The following EPSTI1 variants were observed in gnomAD, a reference collection of about 807,000 sequenced individuals.
The protein encoded by EPSTI1 is epithelial stromal interaction 1.
Under a neutral mutation model 49.9 loss-of-function variants are expected in EPSTI1, and 66 were observed. The ratio of observed to expected loss-of-function variants is 1.32; its 90% CI spans 1.08 to 1.62. The LOEUF (loss-of-function observed/expected upper bound fraction) is 1.62, where lower values mean the gene tolerates loss of function less well. EPSTI1 is among the 40% of genes most tolerant of loss of function. EPSTI1 has a pLI of 0.00. For missense variants in EPSTI1, 394 were observed against 365.5 expected (o/e 1.08, Z -0.64); for synonymous variants, 137 against 130.7 (o/e 1.05, Z -0.33).
At chr13:42,921,813 A>G (rs759175926) in intron 7 of EPSTI1, among the ~76,000 whole-genome samples, 7 of 152,100 alleles carry the variant, frequency 4.6e-5, no homozygotes, top group Non-Finnish European at 8.8e-5. Context: ...CGCCAGGCTT[A>G]CAAACACCCA....
intron 6 of EPSTI1, among the ~76,000 whole-genome samples, chr13:42,947,311 A>AG (rs1555264933): frequency 0.41 from 62,196 of 151,880 alleles, 13,854 homozygotes; most frequent in Non-Finnish European, 0.51. Context: ...TCAAAAAAAA[A>AG]GTACTTAGTA....
At chr13:42,925,326 C>T (rs1018659779) in intron 7 of EPSTI1, among the ~76,000 whole-genome samples, 3 of 152,278 alleles carry the variant, frequency 2.0e-5, no homozygotes, top group South Asian at 4.1e-4. Flanking sequence ...TCAGTGCTCA[C>T]AGAATGGGGT....
At chr13:42,912,287 T>G (rs143563946) in intron 8 of EPSTI1, among the ~76,000 whole-genome samples, 34 of 152,338 alleles carry the variant, frequency 2.2e-4, no homozygotes, top group Middle Eastern at 6.8e-3. Flanking sequence ...GATGATCAGT[T>G]AGAAAACTGC....
chr13:42,890,127 T>A (rs1487593930), intron 10 of EPSTI1, among the ~76,000 whole-genome samples: 16 of 152,130 alleles, frequency 1.1e-4, no homozygotes, highest in Admixed American at 1.0e-3. Flanking sequence ...CATATATACT[T>A]CTTTATCTTT....
intron 8 of EPSTI1, among the ~76,000 whole-genome samples, chr13:42,908,176 G>T (rs1353893827): frequency 6.6e-6 from 1 of 152,204 alleles, no homozygotes; most frequent in South Asian, 2.1e-4. Context: ...CCTGAAACTA[G>T]GAAAGTACTA....
chr13:42,907,937 C>T (rs976405070), intron 8 of EPSTI1, among the ~76,000 whole-genome samples: 3 of 152,178 alleles, frequency 2.0e-5, no homozygotes, highest in African/African-American at 7.2e-5. Flanking sequence ...TCCAAAAATA[C>T]ATCCACACAT....
chr13:42,961,108 T>A (rs1237967853), intron 5 of EPSTI1, among the ~76,000 whole-genome samples: 3 of 152,272 alleles, frequency 2.0e-5, no homozygotes, highest in East Asian at 3.9e-4. Flanking sequence ...GCCAGCTATT[T>A]CCCCAAATCT....
chr13:42,989,765 T>G (rs2040160816), intron 1 of EPSTI1, among the ~76,000 whole-genome samples: 1 of 151,508 alleles, frequency 6.6e-6, no homozygotes, highest in Non-Finnish European at 1.5e-5. Flanking sequence ...AGCTAATTTT[T>G]TGTATTTTTA....
chr13:42,968,373 G>GT (rs1311566974), intron 3 of EPSTI1, among the ~76,000 whole-genome samples: 4 of 152,188 alleles, frequency 2.6e-5, no homozygotes, highest in Admixed American at 1.3e-4. Flanking sequence ...TATCACAACC[G>GT]TAAGTGGCCC....
chr13:42,972,567 G>C (rs192599598), intron 1 of EPSTI1, among the ~76,000 whole-genome samples: 1 of 152,340 alleles, frequency 6.6e-6, no homozygotes, highest in African/African-American at 2.4e-5. Flanking sequence ...ACTTAGATCA[G>C]TTTTCTGTCT....
chr13:42,895,485 A>C (rs745619480), intron 9 of EPSTI1, among the ~76,000 whole-genome samples: 2 of 152,204 alleles, frequency 1.3e-5, no homozygotes, highest in Non-Finnish European at 2.9e-5. Context: ...CATGAAGAAG[A>C]ACCAAAGATA....
At chr13:42,930,433 G>T (rs2038324225) in intron 6 of EPSTI1, among the ~76,000 whole-genome samples, 1 of 152,202 alleles carries the variant, frequency 6.6e-6, no homozygotes, top group African/African-American at 2.4e-5. Flanking sequence ...ATGAGCAAAT[G>T]ACATTCACAC....
intron 1 of EPSTI1, among the ~76,000 whole-genome samples, chr13:42,972,764 T>C (rs1017210748): frequency 6.6e-6 from 1 of 151,918 alleles, no homozygotes; most frequent in Non-Finnish European, 1.5e-5. Context: ...TTAACAGAAC[T>C]TACACTTTAG....
chr13:42,908,483 TG>T (rs780762130), intron 8 of EPSTI1, among the ~76,000 whole-genome samples: 4,278 of 61,110 alleles, frequency 0.07, 89 homozygotes, highest in Non-Finnish European at 0.089. Flanking sequence ...GACTCTGTTA[TG>T]AAAAAAAAAA....
At chr13:42,946,285 A>C (rs372006411) in intron 6 of EPSTI1, among the ~76,000 whole-genome samples, 32 of 152,330 alleles carry the variant, frequency 2.1e-4, no homozygotes, top group African/African-American at 7.5e-4. Flanking sequence ...AAAATGAAGA[A>C]AACTTTCCAA....
intron 6 of EPSTI1, among the ~76,000 whole-genome samples, chr13:42,944,468 A>G (rs930205739): frequency 5.9e-5 from 9 of 152,124 alleles, no homozygotes; most frequent in Non-Finnish European, 1.3e-4. Flanking sequence ...GAGTTGAACA[A>G]CGAGAACACA....
At chr13:42,923,762 C>A (rs1246554160) in intron 7 of EPSTI1, among the ~76,000 whole-genome samples, 2 of 152,076 alleles carry the variant, frequency 1.3e-5, no homozygotes, top group African/African-American at 2.4e-5. Flanking sequence ...AAGTCCTAAG[C>A]CAAAAGGAAT....
chr13:42,945,206 A>G (rs1436069974), intron 6 of EPSTI1, among the ~76,000 whole-genome samples: 1 of 152,234 alleles, frequency 6.6e-6, no homozygotes, highest in African/African-American at 2.4e-5. Flanking sequence ...GAGCAAAGAC[A>G]CATCTTACAC....
At chr13:42,944,428 C>T (rs2038857935) in intron 6 of EPSTI1, among the ~76,000 whole-genome samples, 3 of 152,104 alleles carry the variant, frequency 2.0e-5, no homozygotes, top group South Asian at 2.1e-4. Flanking sequence ...AACAGAAAAC[C>T]AAACACTGCA....
Sources: gnomAD v4.1 joint callset for allele counts (sites outside exome capture counted in the v4.1 genomes callset) on GRCh38, gnomAD v4.1.1 for gene constraint, MANE v1.5 for transcripts, NCBI Gene and HGNC (gene_info 2026-07-23, HGNC 2026-07-21) for gene names.